IL23R: variants seen among roughly 807,000 people sequenced by gnomAD.
IL23R encodes interleukin-23 receptor.
A neutral mutation model predicts 56.9 loss-of-function variants in IL23R; 34 were observed. The ratio of observed to expected loss-of-function variants is 0.60; its 90% CI spans 0.45 to 0.80. The LOEUF (loss-of-function observed/expected upper bound fraction) is 0.80, where lower values mean the gene tolerates loss of function less well. Ranked by LOEUF, IL23R falls within the 30% of genes least tolerant of loss-of-function variation. The pLI is 0.00. For synonymous variants in IL23R, 230 were observed against 249.2 expected (o/e 0.92, Z 0.73); for missense variants, 635 against 730.0 (o/e 0.87, Z 1.50).
chr1:67,202,710 G>T (rs143305701), intron 5 of IL23R, among the ~76,000 whole-genome samples: 3 of 152,000 alleles, frequency 2.0e-5, no homozygotes, highest in Non-Finnish European at 4.4e-5. Context: ...TAGCTGGGAC[G>T]ACAGGCCACA....
At chr1:67,186,859 A>C in intron 4 of IL23R, among the ~76,000 whole-genome samples, 1 of 152,060 alleles carries the variant, frequency 6.6e-6, no homozygotes, top group East Asian at 1.9e-4. Context: ...GAGCTCAGGC[A>C]ACCCTCCTGC....
intron 9 of IL23R, 23 bp downstream of exon 9, chr1:67,240,304 T>A: frequency 6.6e-7 from 1 of 1,518,546 alleles, no homozygotes; most frequent in East Asian, 2.3e-5. Context: ...AGAATTTCTG[T>A]TTTCTGATTT....
At chr1:67,220,157 T>G (rs1442553423) in intron 7 of IL23R, among the ~76,000 whole-genome samples, 1 of 151,614 alleles carries the variant, frequency 6.6e-6, no homozygotes, top group Non-Finnish European at 1.5e-5. Context: ...TTACCTTAGG[T>G]CAGGACTTCA....
chr1:67,141,002 T>A (rs1646631935), intron 1 of IL23R, among the ~76,000 whole-genome samples: 1 of 152,194 alleles, frequency 6.6e-6, no homozygotes, highest in Non-Finnish European at 1.5e-5. Context: ...ATTTTTAGAT[T>A]TTCTTGTCAA....
intron 7 of IL23R, among the ~76,000 whole-genome samples, chr1:67,230,189 C>A (rs373929610): frequency 6.6e-6 from 1 of 152,210 alleles, no homozygotes; most frequent in African/African-American, 2.4e-5. Context: ...CTATGTCAAC[C>A]CTTCAACATT....
intron 4 of IL23R, among the ~76,000 whole-genome samples, chr1:67,190,600 T>C (rs1453744448): frequency 1.3e-5 from 2 of 152,190 alleles, no homozygotes; most frequent in East Asian, 1.9e-4. Context: ...TGAATAAAAA[T>C]GCATGAATGA....
intron 7 of IL23R, among the ~76,000 whole-genome samples, chr1:67,220,992 C>T (rs981361175): frequency 2.0e-5 from 3 of 151,046 alleles, no homozygotes; most frequent in Non-Finnish European, 3.0e-5. Context: ...ACATCCTGGG[C>T]AATTGTGAGC....
chr1:67,247,662 A>G (rs1409621448), intron 9 of IL23R, among the ~76,000 whole-genome samples: 1 of 152,092 alleles, frequency 6.6e-6, no homozygotes, highest in Non-Finnish European at 1.5e-5. Context: ...TGTCATTATG[A>G]TGTTAGCTGG....
chr1:67,230,959 C>A (rs188679832), intron 7 of IL23R, among the ~76,000 whole-genome samples: 68 of 151,712 alleles, frequency 4.5e-4, no homozygotes, highest in Non-Finnish European at 4.4e-5. Context: ...AAAGGAGATG[C>A]GAAAGAGAGA....
intron 3 of IL23R, 44 bp downstream of exon 3, chr1:67,169,682 A>C: frequency 6.5e-7 from 1 of 1,530,806 alleles, no homozygotes; most frequent in South Asian, 1.1e-5. Flanking sequence ...AAGCTAGTTT[A>C]ACAATTAACT....
chr1:67,196,547 A>T (rs1414365319), intron 4 of IL23R, among the ~76,000 whole-genome samples: 2 of 152,168 alleles, frequency 1.3e-5, no homozygotes, highest in African/African-American at 4.8e-5. Context: ...TCTCTAAAAA[A>T]TAGAAGAAAA....
chr1:67,258,985 A>C lies in IL23R; in HGVS notation c.1747A>C (p.Thr583Pro), dbSNP rs1653100399. The C allele has an allele frequency of 2.5e-6, 4 of 1,614,106 alleles. No homozygotes were observed. The highest frequency in any genetic ancestry group is 3.4e-6 in the Non-Finnish European group (4 of 1,180,002). The change falls in exon 11 of 11, where the codon ACT becomes CCT. Residue 583 changes from threonine to proline, a missense_variant. Physicochemically the swap from Thr to Pro is conservative, Grantham distance 38. Transcript: ENST00000347310. ...MLLENDSPSETIPEQTLLPDE... is the reference protein window; with the variant it reads ...MLLENDSPSEPIPEQTLLPDE... ...TTTGGAAAATGATTCACCCAGTGAAACTATTCCAGAACAGACCCTGCTTCC... is the reference window on the plus strand; with the variant it reads ...TTTGGAAAATGATTCACCCAGTGAACCTATTCCAGAACAGACCCTGCTTCC...
At chr1:67,164,374 T>C (rs1171982368), upstream of IL23R, among the ~76,000 whole-genome samples, 1 of 152,190 alleles carries the variant, frequency 6.6e-6, no homozygotes. Flanking sequence ...GTCTCACGCC[T>C]GTAATCCTAG....
chr1:67,213,493 A>G (rs193205161), intron 6 of IL23R, among the ~76,000 whole-genome samples: 6 of 152,328 alleles, frequency 3.9e-5, no homozygotes, highest in African/African-American at 1.4e-4. Flanking sequence ...TGACGAGGCA[A>G]GGAGAATATG....
chr1:67,139,376 G>A (rs1646613394), intron 1 of IL23R, among the ~76,000 whole-genome samples: 1 of 152,174 alleles, frequency 6.6e-6, no homozygotes, highest in Non-Finnish European at 1.5e-5. Context: ...GCAGGTACAT[G>A]AAACGTTCAT....
At chr1:67,174,237 C>T (rs1180933571) in intron 3 of IL23R, among the ~76,000 whole-genome samples, 1 of 151,572 alleles carries the variant, frequency 6.6e-6, no homozygotes. Context: ...GTAAAGTGCT[C>T]TCCATAAAGG....
At chr1:67,179,527 G>A (rs954561043) in intron 3 of IL23R, among the ~76,000 whole-genome samples, 2 of 151,816 alleles carry the variant, frequency 1.3e-5, no homozygotes, top group African/African-American at 4.8e-5. Flanking sequence ...TATTAGTCTT[G>A]CTAGTGGTCT....
chr1:67,205,873 ATCTT>A (rs200498214), intron 5 of IL23R, among the ~76,000 whole-genome samples: 7,558 of 139,064 alleles, frequency 0.054, 262 homozygotes, highest in African/African-American at 0.1. Context: ...TTGAACATCC[ATCTT>A]TCTTTCTTTC....
At chr1:67,210,284 G>A (rs1298353783) in intron 6 of IL23R, among the ~76,000 whole-genome samples, 1 of 152,082 alleles carries the variant, frequency 6.6e-6, no homozygotes, top group Non-Finnish European at 1.5e-5. Context: ...TGGGAACAAC[G>A]TAATAAAACT....
Sources: gnomAD v4.1 joint callset for allele counts (sites outside exome capture counted in the v4.1 genomes callset) on GRCh38, gnomAD v4.1.1 for gene constraint, MANE v1.5 for transcripts, NCBI Gene and HGNC (gene_info 2026-07-23, HGNC 2026-07-21) for gene names.